Variants in SH3GL2 observed in about 807,000 individuals in gnomAD.
The protein encoded by SH3GL2 is SH3 domain containing GRB2 like 2, endophilin A1.
SH3GL2 carries 24 observed loss-of-function variants against 46.0 expected under a neutral mutation model. The ratio of observed to expected loss-of-function variants is 0.52; its 90% CI spans 0.38 to 0.73. The LOEUF is 0.73. Among genes scored for constraint, SH3GL2 ranks in the 30% least tolerant of loss-of-function variants. SH3GL2 has a pLI of 0.00. For missense variants in SH3GL2, 413 were observed against 424.2 expected, an observed-to-expected ratio of 0.97 and a Z score of 0.23; for synonymous variants, 196 against 147.1, an observed-to-expected ratio of 1.33 and a Z score of -2.40.
intron 1 of SH3GL2, among the ~76,000 whole-genome samples, chr9:17,663,966 C>G (rs2117907655): frequency 6.6e-6 from 1 of 152,110 alleles, no homozygotes; most frequent in Admixed American, 6.5e-5. Context: ...TTACTGTCAC[C>G]AACAGTGGCA....
intron 1 of SH3GL2, among the ~76,000 whole-genome samples, chr9:17,615,708 T>G (rs2134589952): frequency 6.6e-6 from 1 of 151,370 alleles, no homozygotes; most frequent in East Asian, 1.9e-4. Flanking sequence ...TATGTGTTTA[T>G]TGTTAAAAAC....
chr9:17,649,418 C>G (rs1327285653), intron 1 of SH3GL2, among the ~76,000 whole-genome samples: 1 of 152,138 alleles, frequency 6.6e-6, no homozygotes, highest in African/African-American at 2.4e-5. Flanking sequence ...TGAATTAAAC[C>G]ACTCACATTA....
At chr9:17,790,854 A>T (rs1224265289) in intron 6 of SH3GL2, among the ~76,000 whole-genome samples, 15 of 152,150 alleles carry the variant, frequency 9.9e-5, no homozygotes, top group Admixed American at 9.2e-4. Flanking sequence ...TAACAGCATG[A>T]AAAGTATAAG....
Position 17,579,295 on chromosome 9 carries a change from G to T in SH3GL2, c.45+8G>T. 6.4e-7 allele frequency: 1 copy of T among 1,558,536 alleles called. No homozygotes were observed. The highest frequency in any genetic ancestry group is 8.7e-7 in the Non-Finnish European group (1 of 1,152,820). On this transcript the variant is annotated splice_region_variant and intron_variant, in intron 1 of 8. Coordinates refer to ENST00000380607, the MANE Select transcript of SH3GL2 (RefSeq NM_003026.5). The stretch of plus-strand genomic sequence containing the variant: ...TTCCATAAAGCCACTCAGGTAAGGC[G>T]CGCGGCAGGTGCGTCCCGGGGCAGT...
rs1023534908 is a variant in SH3GL2 at position 17,595,198 on chromosome 9, G to T, written c.45+15911G>T. On this transcript the variant is annotated intron_variant, in intron 1 of 8. Coordinates refer to ENST00000380607, the MANE Select transcript of SH3GL2 (RefSeq NM_003026.5). ...GTTTCAGAGCCAGTAACTGCCAGTA[G>T]TTTTTAACCATGAGTCCTATTGTCA... is the stretch of plus-strand genomic sequence containing the variant. Among the ~76,000 whole-genome samples the T allele has an allele frequency of 1.1e-4, 16 of 152,200 alleles. 1 individual carries two copies. Among genetic ancestry groups the T allele is most frequent in the Admixed American group, 6.5e-4 (10 of 15,282 alleles).
intron 1 of SH3GL2, among the ~76,000 whole-genome samples, chr9:17,654,223 C>G (rs545525811): frequency 6.6e-6 from 1 of 152,324 alleles, no homozygotes; most frequent in Non-Finnish European, 1.5e-5. Context: ...CACTCCTGTG[C>G]TGCCGAAGAC....
chr9:17,758,128 T>A (rs984161389), intron 2 of SH3GL2, among the ~76,000 whole-genome samples: 2 of 152,200 alleles, frequency 1.3e-5, no homozygotes, highest in Non-Finnish European at 2.9e-5. Flanking sequence ...ACTACTTTTC[T>A]CCTCATAACA....
chr9:17,712,714 TAA>T (rs1821659176), intron 1 of SH3GL2, among the ~76,000 whole-genome samples: 2 of 151,970 alleles, frequency 1.3e-5, no homozygotes, highest in African/African-American at 2.4e-5. Flanking sequence ...AGCTTTATGA[TAA>T]GTCTTGAAAT....
intron 3 of SH3GL2, among the ~76,000 whole-genome samples, chr9:17,780,721 A>G (rs1469757046): frequency 2.5e-5 from 2 of 79,622 alleles, no homozygotes; most frequent in South Asian, 1.2e-3. Flanking sequence ...ATGAGTGAGA[A>G]TATGCGGTGT....
At chr9:17,740,399 A>C (rs1248910442) in intron 1 of SH3GL2, among the ~76,000 whole-genome samples, 2 of 152,054 alleles carry the variant, frequency 1.3e-5, no homozygotes, top group Admixed American at 1.3e-4. Context: ...TATTTAGCCA[A>C]ATACCAAAAG....
chr9:17,641,665 C>A (rs2224452), intron 1 of SH3GL2, among the ~76,000 whole-genome samples: 4,427 of 152,134 alleles, frequency 0.029, 94 homozygotes, highest in African/African-American at 0.062. Flanking sequence ...TGTTCAACAC[C>A]CATTTATGAG....
At chr9:17,734,389 A>C (rs1030847090) in intron 1 of SH3GL2, among the ~76,000 whole-genome samples, 4 of 152,130 alleles carry the variant, frequency 2.6e-5, no homozygotes, top group African/African-American at 7.2e-5. Flanking sequence ...GCATTGGTAA[A>C]GTACTTTACA....
intron 3 of SH3GL2, among the ~76,000 whole-genome samples, chr9:17,774,768 G>A (rs9406718): frequency 0.11 from 17,461 of 152,130 alleles, 1,120 homozygotes; most frequent in Admixed American, 0.15. Flanking sequence ...TAGTGTCTTT[G>A]TCTGGCTTTG....
chr9:17,616,690 CAAG>C (rs576968370), intron 1 of SH3GL2, among the ~76,000 whole-genome samples: 156 of 152,072 alleles, frequency 1.0e-3, no homozygotes, highest in Non-Finnish European at 1.5e-3. Context: ...TTTAAAAAAT[CAAG>C]AAGGTGTCAA....
chr9:17,657,223 C>G (rs1820106897), intron 1 of SH3GL2, among the ~76,000 whole-genome samples: 1 of 152,132 alleles, frequency 6.6e-6, no homozygotes, highest in Non-Finnish European at 1.5e-5. Context: ...CAGACACCTG[C>G]TTTTCAAGGG....
chr9:17,642,657 T>A (rs1475511393), intron 1 of SH3GL2, among the ~76,000 whole-genome samples: 1 of 152,106 alleles, frequency 6.6e-6, no homozygotes, highest in Non-Finnish European at 1.5e-5. Flanking sequence ...AAGATCAGAT[T>A]GTTGCAGATG....
At chr9:17,756,453 C>A (rs1822990977) in intron 2 of SH3GL2, among the ~76,000 whole-genome samples, 2 of 150,556 alleles carry the variant, frequency 1.3e-5, no homozygotes, top group Non-Finnish European at 3.0e-5. Context: ...TTAGGTATAT[C>A]TCCTAATGCT....
chr9:17,777,758 T>C (rs1042559840), intron 3 of SH3GL2, among the ~76,000 whole-genome samples: 1 of 152,164 alleles, frequency 6.6e-6, no homozygotes, highest in African/African-American at 2.4e-5. Context: ...ATTAGGACTT[T>C]GACCTCCTGA....
chr9:17,710,026 T>G (rs1042572894), intron 1 of SH3GL2, among the ~76,000 whole-genome samples: 1 of 151,578 alleles, frequency 6.6e-6, no homozygotes, highest in Non-Finnish European at 1.5e-5. Context: ...ATGATTGGAG[T>G]GGAATTGTCT....
Sources: allele counts gnomAD v4.1 joint callset (sites outside exome capture counted in the v4.1 genomes callset), GRCh38; gene constraint gnomAD v4.1.1; transcripts MANE v1.5; gene names NCBI Gene and HGNC (gene_info 2026-07-23, HGNC 2026-07-21).